The following LGALS8 variants were observed in gnomAD, a reference collection of about 807,000 sequenced individuals.
The protein encoded by LGALS8 is galectin 8, also known as galectin-8.
LGALS8 carries 30 observed loss-of-function variants against 35.9 expected under a neutral mutation model. The ratio of observed to expected loss-of-function variants is 0.83; its 90% CI spans 0.62 to 1.13. The LOEUF (loss-of-function observed/expected upper bound fraction) is 1.13, where lower values mean the gene tolerates loss of function less well. LGALS8 is among the 50% of genes most tolerant of loss of function. The pLI is 0.00. For synonymous variants in LGALS8, 138 were observed against 136.1 expected, an observed-to-expected ratio of 1.01 and a Z score of -0.10; for missense variants, 366 against 388.7, an observed-to-expected ratio of 0.94 and a Z score of 0.49.
At chr1:236,531,024 C>A (rs1661112163) in intron 2 of LGALS8, among the ~76,000 whole-genome samples, 1 of 152,180 alleles carries the variant, frequency 6.6e-6, no homozygotes, top group Non-Finnish European at 1.5e-5. Flanking sequence ...TACGTGCATG[C>A]ATTTTACCGT....
intron 4 of LGALS8, among the ~76,000 whole-genome samples, chr1:236,539,592 T>C (rs113315189): frequency 0.61 from 92,688 of 151,764 alleles, 29,200 homozygotes; most frequent in Non-Finnish European, 0.69. Context: ...GTACCTAGCG[T>C]GTATGTGTAC....
Position 236,544,776 on chromosome 1 carries a change from A to G in LGALS8, c.665A>G (p.Lys222Arg). 6.2e-7 allele frequency: 1 copy of G among 1,606,052 alleles called. No individual in the cohort carries two copies. ...KSFNVDLLAG[K>R]SKDIALHLNP... ...TTTAATGTTGACCTACTAGCAGGAA[A>G]ATCAAAGGATATTGCTCTACACTTG... The change falls in exon 9 of 10, where the codon AAA (lysine) becomes AGA (arginine). Residue 222 changes from lysine (K) to arginine (R), a missense_variant. By Grantham distance (26) the Lys-to-Arg change is conservative (BLOSUM62 2). Transcript: ENST00000366584.
In LGALS8 at chr1:236,534,616, A is replaced by G. The variant is rs547724326; in HGVS notation, c.46-2881A>G. ...TGTGTCTCATAGTTAAAAAAAAAAAAAAGTATTACTGAAGTAATGCAGGAT... is the reference window on the plus strand; with the variant it reads ...TGTGTCTCATAGTTAAAAAAAAAAAGAAGTATTACTGAAGTAATGCAGGAT... On this transcript the variant is annotated intron_variant, in intron 2 of 9. Coordinates refer to ENST00000366584, the MANE Select transcript of LGALS8 (RefSeq NM_201544.4). Among the ~76,000 whole-genome samples the G allele has an allele frequency of 1.6e-3, 251 of 152,196 alleles. 1 individual carries two copies. The highest frequency in any genetic ancestry group is 5.8e-3 in the African/African-American group (242 of 41,496).
chr1:236,537,804 A>AT (rs1553277002), intron 3 of LGALS8, among the ~76,000 whole-genome samples: 1 of 151,404 alleles, frequency 6.6e-6, no homozygotes, highest in Non-Finnish European at 1.5e-5. Context: ...AGTATAAAAA[A>AT]TTAGAACTAT....
At chr1:236,536,709 G>A (rs1007882277) in intron 2 of LGALS8, 7 of 152,576 alleles carry the variant, frequency 4.6e-5, no homozygotes, top group Non-Finnish European at 8.8e-5. Flanking sequence ...GTGGCTTAAC[G>A]TGGAGTTTCC....
At chr1:236,522,075 T>A (rs1447298987), upstream of LGALS8, among the ~76,000 whole-genome samples, 3 of 152,208 alleles carry the variant, frequency 2.0e-5, no homozygotes, top group Non-Finnish European at 4.4e-5. Context: ...ATTCAGTGAA[T>A]ATTTGCTTAT....
chr1:236,529,040 C>T (rs773804996), intron 2 of LGALS8, among the ~76,000 whole-genome samples: 5 of 152,150 alleles, frequency 3.3e-5, no homozygotes, highest in Non-Finnish European at 5.9e-5. Context: ...CTGTGGGAGG[C>T]CAAGGCTAGT....
Position 236,550,149 on chromosome 1 carries a change from C to T in LGALS8, c.*1988C>T, listed in dbSNP as rs914079372. 2.0e-5 allele frequency: 3 copies of T among 152,180 alleles called. No homozygotes were observed. The highest frequency in any genetic ancestry group is 7.2e-5 in the African/African-American group (3 of 41,442). 9.4% of individuals were successfully genotyped at this position (152,180 alleles called of 1,614,324 possible). On this transcript the variant is annotated 3_prime_UTR_variant, in exon 10 of 10. Coordinates refer to ENST00000366584, the MANE Select transcript of LGALS8 (RefSeq NM_201544.4). ...ATCTACTGATACTTACTTTCTTAGA[C>T]AAGTAGTTCTTAGTTAACCACCAAT...
rs1662600579 is a variant in LGALS8, at chr1:236,549,275, C to T, written c.*1114C>T. On this transcript the variant is annotated 3_prime_UTR_variant, in exon 10 of 10. Coordinates refer to ENST00000366584, the MANE Select transcript of LGALS8 (RefSeq NM_201544.4). ...ACCTGTATCAGCAAGTTAAATGGTT[C>T]CATTTCTGTGATTTTTCTATTATTT... The T allele has an allele frequency of 6.8e-6, 2 of 295,824 alleles. No homozygotes were observed. Among genetic ancestry groups the T allele is most frequent in the African/African-American group, 2.2e-5 (1 of 46,470 alleles). 18.3% of individuals were successfully genotyped at this position (295,824 alleles called of 1,614,324 possible). A position where few individuals can be genotyped will look rare whatever the true frequency, so the allele number is the denominator to read the frequency against.
chr1:236,540,929 C>T (rs1403094993), intron 5 of LGALS8, among the ~76,000 whole-genome samples: 1 of 152,146 alleles, frequency 6.6e-6, no homozygotes, highest in Non-Finnish European at 1.5e-5. Flanking sequence ...AGCTGGGTAG[C>T]AGCTATTTCC....
intron 1 of LGALS8, chr1:236,524,618 T>C: frequency 2.8e-6 from 1 of 358,128 alleles, no homozygotes; most frequent in Non-Finnish European, 5.6e-6. Flanking sequence ...AAGTGATGGC[T>C]GCTTGTGATG....
chr1:236,537,927 C>CCCT (rs1426532347), intron 3 of LGALS8, among the ~76,000 whole-genome samples: 1 of 96,462 alleles, frequency 1.0e-5, no homozygotes, highest in Non-Finnish European at 2.5e-5. Context: ...GTGAGACCCC[C>CCCT]CATCTGTAAA....
chr1:236,544,537 T>C (rs1269267619), intron 8 of LGALS8, among the ~76,000 whole-genome samples: 2 of 152,104 alleles, frequency 1.3e-5, no homozygotes, highest in Non-Finnish European at 2.9e-5. Context: ...AAGGGTTTTT[T>C]TTTTCGTATT....
In LGALS8 at chr1:236,551,447, T is replaced by C. The variant is rs1042275; in HGVS notation, c.*3286T>C. On this transcript the variant is annotated 3_prime_UTR_variant, in exon 10 of 10. Coordinates refer to ENST00000366584, the MANE Select transcript of LGALS8 (RefSeq NM_201544.4). The stretch of plus-strand genomic sequence containing the variant: ...ACTGTCACAGCTCCCCATGTCACAC[T>C]CACTAGCTTGTGATCTTTGTCAAAT... 88,027 of 161,052 alleles carry C rather than the reference T, an allele frequency of 0.55. 26,263 individuals are homozygous for C. The highest frequency in any genetic ancestry group is 0.67 in the Non-Finnish European group (49,163 of 73,910). 10.0% of individuals were successfully genotyped at this position (161,052 alleles called of 1,614,324 possible). A position where few individuals can be genotyped will look rare whatever the true frequency, so the allele number is the denominator to read the frequency against.
rs1405149504 is a variant in LGALS8, at chr1:236,551,305, C to T, written c.*3144C>T. 1 of 308,196 alleles carries T rather than the reference C, an allele frequency of 3.2e-6. No individual in the cohort carries two copies. Among genetic ancestry groups the T allele is most frequent in the African/African-American group, 2.1e-5 (1 of 46,580 alleles). The allele number at this position is 308,196 out of a possible 1,614,324, so 19.1% of individuals were successfully genotyped here. ...GAGCTAAGAAACAAAGGAGAATGTA[C>T]TTTTGTAGCTTAGATAAGCAATGAA... is the stretch of plus-strand genomic sequence containing the variant. On this transcript the variant is annotated 3_prime_UTR_variant, in exon 10 of 10. Transcript: ENST00000366584.
rs779241162 is a variant in LGALS8, at chr1:236,539,017, C to G, written c.273C>G (p.Ile91Met). 1.9e-6 allele frequency: 3 copies of G among 1,614,146 alleles called. No homozygotes were observed. Among genetic ancestry groups the G allele is most frequent in the South Asian group, 2.2e-5 (2 of 91,084 alleles). Reference sequence around the variant, plus strand: ...ATGAAAAATGGGGACGGGAAGAGATCACCTATGACACGCCTTTCAAAAGAG... The same window carrying G: ...ATGAAAAATGGGGACGGGAAGAGATGACCTATGACACGCCTTTCAAAAGAG... ...LINEKWGREE[I>M]TYDTPFKREK... is the part of the protein sequence containing the mutation. Residue 91 changes from isoleucine (I) to methionine (M), a missense_variant, in exon 4 of 10, where the codon ATC becomes ATG. Coordinates refer to ENST00000366584, the MANE Select transcript of LGALS8 (RefSeq NM_201544.4).
At position 236,528,546 on chromosome 1, in the gene LGALS8, ATTTT is replaced by A. The variant is rs61261486; in HGVS notation, c.45+2451_45+2454del. On this transcript the variant is annotated intron_variant, in intron 2 of 9. Transcript: ENST00000366584. ...AATTTTTATTTCATTAATGTTTCCA[ATTTT>A]TTTTTTTTTTTTTTTTTTTAAGACA... 1.0e-2 allele frequency among the ~76,000 whole-genome samples: 1,038 copies of A among 104,222 alleles called. 26 individuals carry two copies. Among genetic ancestry groups the A allele is most frequent in the African/African-American group, 0.031 (840 of 27,122 alleles). The allele number at this position is 104,222 out of a possible 152,430, so 68.4% of individuals were successfully genotyped here.
Position 236,551,339 on chromosome 1 carries a change from G to A in LGALS8, c.*3178G>A, listed in dbSNP as rs1274276346. On this transcript the variant is annotated 3_prime_UTR_variant, in exon 10 of 10. Transcript: ENST00000366584. ...CTTAGATAAGCAATGAATCAGTAAA[G>A]GACTGATCTACTTGCTCCACCACCC... 8.9e-6 allele frequency: 2 copies of A among 225,908 alleles called. No individual in the cohort carries two copies. Among genetic ancestry groups the A allele is most frequent in the Non-Finnish European group, 1.7e-5 (2 of 114,818 alleles). The allele number at this position is 225,908 out of a possible 1,614,324, so 14.0% of individuals were successfully genotyped here. A position where few individuals can be genotyped will look rare whatever the true frequency, so the allele number is the denominator to read the frequency against.
chr1:236,552,808 C>T lies in LGALS8; in HGVS notation c.*4647C>T, dbSNP rs1662813383. ...TGAATTATTAAAAAACCATTTGTAA[C>T]TACCTAGATTCAATCAGGATTTCCT... On this transcript the variant is annotated 3_prime_UTR_variant, in exon 10 of 10. Coordinates refer to ENST00000366584, the MANE Select transcript of LGALS8 (RefSeq NM_201544.4). The T allele has an allele frequency of 1.3e-5, 2 of 152,152 alleles. No homozygotes were observed. The highest frequency in any genetic ancestry group is 2.4e-5 in the African/African-American group (1 of 41,412). 9.4% of individuals were successfully genotyped at this position (152,152 alleles called of 1,614,324 possible). A position where few individuals can be genotyped will look rare whatever the true frequency, so the allele number is the denominator to read the frequency against.
Sources: allele counts gnomAD v4.1 joint callset (sites outside exome capture counted in the v4.1 genomes callset), GRCh38; gene constraint gnomAD v4.1.1; transcripts MANE v1.5; gene names NCBI Gene and HGNC (gene_info 2026-07-23, HGNC 2026-07-21).